Variants in SCD5 observed in about 807,000 individuals in gnomAD.
SCD5 encodes the protein stearoyl-CoA desaturase 5, also known as acyl-CoA-desaturase 4.
Under a neutral mutation model 30.4 loss-of-function variants are expected in SCD5, and 20 were observed. The observed-to-expected ratio is 0.66, with a 90% CI of 0.46 to 0.96. SCD5 has a LOEUF of 0.96. SCD5 is among the 40% of genes least tolerant of loss of function. The pLI, the probability that SCD5 is intolerant of heterozygous loss-of-function variation, is 0.00. For synonymous variants in SCD5, 173 were observed against 176.4 expected, an observed-to-expected ratio of 0.98 and a Z score of 0.16; for missense variants, 381 against 443.3, an observed-to-expected ratio of 0.86 and a Z score of 1.26.
chr4:82,743,590 G>A (rs1010758214), intron 1 of SCD5, among the ~76,000 whole-genome samples: 7 of 151,748 alleles, frequency 4.6e-5, no homozygotes, highest in African/African-American at 1.7e-4. Flanking sequence ...GTGCAATCAC[G>A]GGCTCACCGC....
chr4:82,756,979 C>T (rs191498608), intron 1 of SCD5, among the ~76,000 whole-genome samples: 11 of 152,286 alleles, frequency 7.2e-5, no homozygotes, highest in African/African-American at 2.4e-4. Flanking sequence ...AATCCTCCCA[C>T]CTTGACCTCT....
At position 82,747,069 on chromosome 4, in the gene SCD5, G is replaced by GCCCCCCCCCCCCC. The variant is rs151046123; in HGVS notation, c.233-41657_233-41656insGGGGGGGGGGGGG. Among the ~76,000 whole-genome samples the GCCCCCCCCCCCCC allele has an allele frequency of 4.4e-4, 61 of 139,704 alleles. 2 individuals are homozygous for GCCCCCCCCCCCCC. Among genetic ancestry groups the GCCCCCCCCCCCCC allele is most frequent in the Non-Finnish European group, 7.0e-4 (43 of 61,792 alleles). 91.7% of individuals were successfully genotyped at this position (139,704 alleles called of 152,430 possible). ...AGTTAGAGAAAAGTCTGGGCAACCT[G>GCCCCCCCCCCCCC]CCCCCCAAGAAAGACGACCTTCCCA... On this transcript the variant is annotated intron_variant, in intron 1 of 4. Coordinates refer to ENST00000319540, the MANE Select transcript of SCD5 (RefSeq NM_001037582.3).
At chr4:82,704,507 C>G (rs1452564440) in intron 2 of SCD5, among the ~76,000 whole-genome samples, 1 of 152,198 alleles carries the variant, frequency 6.6e-6, no homozygotes, top group Non-Finnish European at 1.5e-5. Flanking sequence ...TGGTCTAGGA[C>G]TGGGATAGTC....
At chr4:82,782,420 T>C (rs1721891664) in intron 1 of SCD5, among the ~76,000 whole-genome samples, 1 of 152,124 alleles carries the variant, frequency 6.6e-6, no homozygotes, top group Admixed American at 6.5e-5. Context: ...ACTACTCCCA[T>C]AGCAGGGCTG....
intron 2 of SCD5, among the ~76,000 whole-genome samples, chr4:82,704,967 C>T (rs1369768147): frequency 1.3e-5 from 2 of 152,250 alleles, no homozygotes; most frequent in African/African-American, 2.4e-5. Context: ...GTGTGCTTAT[C>T]ACAGAACTTG....
At chr4:82,745,295 T>C (rs1488862378) in intron 1 of SCD5, among the ~76,000 whole-genome samples, 2 of 152,200 alleles carry the variant, frequency 1.3e-5, no homozygotes, top group African/African-American at 2.4e-5. Context: ...GAGATGGTTT[T>C]CTAATTCATG....
intron 1 of SCD5, among the ~76,000 whole-genome samples, chr4:82,749,741 G>T (rs1721062424): frequency 1.3e-5 from 2 of 152,190 alleles, no homozygotes; most frequent in Non-Finnish European, 2.9e-5. Flanking sequence ...CTATTTCACA[G>T]ATTCATGTTG....
intron 1 of SCD5, among the ~76,000 whole-genome samples, chr4:82,782,043 C>G (rs138421717): frequency 6.6e-6 from 1 of 151,478 alleles, no homozygotes; most frequent in African/African-American, 2.4e-5. Flanking sequence ...GCTGTCTTTC[C>G]GCCCATTTGT....
intron 1 of SCD5, among the ~76,000 whole-genome samples, chr4:82,778,716 C>A (rs1721805900): frequency 6.6e-6 from 1 of 152,152 alleles, no homozygotes; most frequent in Non-Finnish European, 1.5e-5. Flanking sequence ...CTGAAGGAAC[C>A]AATGCAGGTT....
At chr4:82,794,750 C>A (rs532537716) in intron 1 of SCD5, among the ~76,000 whole-genome samples, 1 of 151,798 alleles carries the variant, frequency 6.6e-6, no homozygotes, top group South Asian at 2.1e-4. Flanking sequence ...CCCAGGTTCA[C>A]GCCATTCTCC....
chr4:82,784,287 G>A (rs1721941189), intron 1 of SCD5, among the ~76,000 whole-genome samples: 1 of 152,112 alleles, frequency 6.6e-6, no homozygotes, highest in Admixed American at 6.5e-5. Flanking sequence ...TTCAGGTGAT[G>A]GTTTGAGTGA....
intron 2 of SCD5, among the ~76,000 whole-genome samples, chr4:82,701,434 A>G (rs1719838169): frequency 6.6e-6 from 1 of 152,204 alleles, no homozygotes; most frequent in African/African-American, 2.4e-5. Flanking sequence ...ATATTAGTCC[A>G]ACTATATCAA....
At chr4:82,659,581 G>T (rs528156192) in intron 3 of SCD5, among the ~76,000 whole-genome samples, 4 of 152,030 alleles carry the variant, frequency 2.6e-5, no homozygotes, top group African/African-American at 7.2e-5. Context: ...CCTTAATTTC[G>T]TTATTTACCC....
At chr4:82,715,068 C>T (rs1720196794) in intron 1 of SCD5, among the ~76,000 whole-genome samples, 1 of 151,414 alleles carries the variant, frequency 6.6e-6, no homozygotes, top group Non-Finnish European at 1.5e-5. Flanking sequence ...GAAACCCCGC[C>T]TCTACTAAAA....
chr4:82,638,283 C>G (rs1727473649), intron 3 of SCD5, among the ~76,000 whole-genome samples: 3 of 151,866 alleles, frequency 2.0e-5, no homozygotes, highest in Admixed American at 2.0e-4. Context: ...CCTGCCCTGC[C>G]CCCCCAAAAA....
At chr4:82,705,164 T>G in intron 2 of SCD5, 119 bp downstream of exon 2, 1 of 1,270,526 alleles carries the variant, frequency 7.9e-7, no homozygotes, top group Non-Finnish European at 1.1e-6. Flanking sequence ...CTGGGCGTGC[T>G]TGGGGCCTGA....
intron 3 of SCD5, among the ~76,000 whole-genome samples, chr4:82,659,578 T>C (rs925874880): frequency 6.6e-6 from 1 of 152,194 alleles, no homozygotes; most frequent in Non-Finnish European, 1.5e-5. Context: ...CTGCCTTAAT[T>C]TCGTTATTTA....
chr4:82,726,060 T>C (rs1720462521), intron 1 of SCD5, among the ~76,000 whole-genome samples: 1 of 152,110 alleles, frequency 6.6e-6, no homozygotes, highest in African/African-American at 2.4e-5. Flanking sequence ...GACTTCATCC[T>C]TCCAGAAGGC....
At chr4:82,673,550 G>T (rs1013027168) in intron 3 of SCD5, among the ~76,000 whole-genome samples, 3 of 152,134 alleles carry the variant, frequency 2.0e-5, no homozygotes, top group Non-Finnish European at 4.4e-5. Context: ...TCATAAATAG[G>T]AAGACTCAAT....
Sources: allele counts gnomAD v4.1 joint callset (sites outside exome capture counted in the v4.1 genomes callset), GRCh38; gene constraint gnomAD v4.1.1; transcripts MANE v1.5; gene names NCBI Gene and HGNC (gene_info 2026-07-23, HGNC 2026-07-21).